The following SMG6 variants were observed in gnomAD, a reference collection of about 807,000 sequenced individuals.
The protein encoded by SMG6 is SMG6 nonsense mediated mRNA decay factor, also known as telomerase-binding protein EST1A.
Under a neutral mutation model 142.2 loss-of-function variants are expected in SMG6, and 66 were observed. The ratio of observed to expected loss-of-function variants is 0.46; its 90% CI spans 0.38 to 0.57. SMG6 has a LOEUF of 0.57. SMG6 is among the 20% of genes least tolerant of loss of function. The pLI, the probability that SMG6 is intolerant of heterozygous loss-of-function variation, is 0.00. For missense variants in SMG6, 1,793 were observed against 1,832.0 expected, an observed-to-expected ratio of 0.98 and a Z score of 0.39; for synonymous variants, 779 against 702.4, an observed-to-expected ratio of 1.11 and a Z score of -1.72.
chr17:2,102,002 G>T (rs2069021118), intron 13 of SMG6, among the ~76,000 whole-genome samples: 1 of 152,124 alleles, frequency 6.6e-6, no homozygotes, highest in Non-Finnish European at 1.5e-5. Flanking sequence ...CTGATTTCTT[G>T]AAGACTGAAC....
chr17:2,203,772 C>G (rs1047660640), intron 10 of SMG6, among the ~76,000 whole-genome samples: 1 of 152,134 alleles, frequency 6.6e-6, no homozygotes, highest in Non-Finnish European at 1.5e-5. Context: ...TTCAGACACA[C>G]ACCTTGAAAC....
intron 15 of SMG6, among the ~76,000 whole-genome samples, chr17:2,075,514 C>G (rs944102795): frequency 1.3e-5 from 2 of 152,212 alleles, no homozygotes; most frequent in Non-Finnish European, 2.9e-5. Context: ...AGCAAAGCCT[C>G]AGAGAGGCAG....
chr17:2,153,605 G>T (rs953931273), intron 13 of SMG6, among the ~76,000 whole-genome samples: 3 of 151,920 alleles, frequency 2.0e-5, no homozygotes, highest in Non-Finnish European at 2.9e-5. Context: ...CATGTAGAGT[G>T]TGACGGTGAC....
At chr17:2,243,102 A>G (rs1417116203) in intron 9 of SMG6, among the ~76,000 whole-genome samples, 1 of 152,120 alleles carries the variant, frequency 6.6e-6, no homozygotes, top group Non-Finnish European at 1.5e-5. Flanking sequence ...CATCTAGTTT[A>G]CTTTGCCTAA....
chr17:2,072,641 T>C (rs2068136191), intron 15 of SMG6, among the ~76,000 whole-genome samples: 1 of 152,164 alleles, frequency 6.6e-6, no homozygotes, highest in Non-Finnish European at 1.5e-5. Context: ...ACATTACAAG[T>C]AACAGCAATT....
chr17:2,159,317 C>T (rs1229537475), intron 13 of SMG6, among the ~76,000 whole-genome samples: 2 of 152,078 alleles, frequency 1.3e-5, no homozygotes. Flanking sequence ...GTAATCCCAG[C>T]TACTTGAGAG....
chr17:2,260,708 G>T (rs1212690980), intron 8 of SMG6, among the ~76,000 whole-genome samples: 1 of 152,184 alleles, frequency 6.6e-6, no homozygotes, highest in African/African-American at 2.4e-5. Context: ...AGTTAAAAGG[G>T]AAGAGGCCGG....
intron 9 of SMG6, among the ~76,000 whole-genome samples, chr17:2,238,469 T>C (rs1311351841): frequency 3.9e-5 from 6 of 152,232 alleles, no homozygotes; most frequent in Non-Finnish European, 7.3e-5. Flanking sequence ...CCACGGGCTC[T>C]AACAAAGGTT....
intron 2 of SMG6, 137 bp downstream of exon 2, chr17:2,298,769 T>C: frequency 1.3e-6 from 1 of 741,622 alleles, no homozygotes; most frequent in Non-Finnish European, 2.2e-6. Flanking sequence ...TGTTTCCAAC[T>C]GCCCTTCCCT....
chr17:2,236,942 T>A, intron 9 of SMG6: 2 of 677,088 alleles, frequency 3.0e-6, no homozygotes, highest in Non-Finnish European at 3.8e-6. Flanking sequence ...ATAACTGTGT[T>A]CAAGCTAATA....
intron 13 of SMG6, among the ~76,000 whole-genome samples, chr17:2,135,004 C>T (rs540518814): frequency 2.6e-5 from 4 of 152,070 alleles, no homozygotes; most frequent in Non-Finnish European, 4.4e-5. Flanking sequence ...CTCAGGCTCC[C>T]GACTAGCTGG....
rs941523968 is a variant in SMG6, at chr17:2,127,138, CAA to C, written c.3358-41239_3358-41238del. Among the ~76,000 whole-genome samples, 409 of 51,236 alleles carry C rather than the reference CAA, an allele frequency of 8.0e-3. 2 individuals carry two copies. The highest frequency in any genetic ancestry group is 0.026 in the African/African-American group (385 of 14,752). 33.6% of individuals were successfully genotyped at this position (51,236 alleles called of 152,430 possible). A position where few individuals can be genotyped will look rare whatever the true frequency, so the allele number is the denominator to read the frequency against. On this transcript the variant is annotated intron_variant, in intron 13 of 18. Transcript: ENST00000263073. ...TGGGCAACACAGAGAGACCTTGTCT[CAA>C]AAAAAAAAAAAAAAAAAAAAAGACA... is the stretch of plus-strand genomic sequence containing the variant.
chr17:2,087,898 T>C (rs2068609002), intron 13 of SMG6: 1 of 985,722 alleles, frequency 1.0e-6, no homozygotes, highest in South Asian at 4.7e-5. Flanking sequence ...TTACAGTGTG[T>C]GTCAGCCACC....
intron 8 of SMG6, among the ~76,000 whole-genome samples, chr17:2,272,839 G>A (rs1429236479): frequency 6.6e-6 from 1 of 152,046 alleles, no homozygotes; most frequent in Non-Finnish European, 1.5e-5. Flanking sequence ...TCGGGAGGCT[G>A]AGGCAGGAGA....
At chr17:2,275,341 G>T (rs1023076686) in intron 8 of SMG6, among the ~76,000 whole-genome samples, 1 of 152,300 alleles carries the variant, frequency 6.6e-6, no homozygotes, top group East Asian at 1.9e-4. Flanking sequence ...AAGATCACTT[G>T]AACTCAGGAG....
rs2068025295 is a variant in SMG6 at position 2,068,999 on chromosome 17, G to C, written c.3682-68C>G. Reference sequence around the variant, plus strand: ...AAGCAGGTGGGTGAGCCAGGGCCCTGACACTACGGTGTGTCAGCATCCTGC... The same window carrying C: ...AAGCAGGTGGGTGAGCCAGGGCCCTCACACTACGGTGTGTCAGCATCCTGC... On this transcript the variant is annotated intron_variant, in intron 15 of 18. Transcript: ENST00000263073. The surrounding 1 kb of genome is among the most constrained non-coding windows in gnomAD (Gnocchi z 6.7). 2.6e-6 allele frequency: 4 copies of C among 1,518,156 alleles called. No individual in the cohort carries two copies. The highest frequency in any genetic ancestry group is 3.6e-6 in the Non-Finnish European group (4 of 1,103,770). 94.0% of individuals were successfully genotyped at this position (1,518,156 alleles called of 1,614,324 possible).
At chr17:2,212,879 A>G (rs2072905597) in intron 10 of SMG6, 1 of 152,300 alleles carries the variant, frequency 6.6e-6, no homozygotes, top group Admixed American at 6.5e-5. Context: ...GCATGACTCC[A>G]GTGGAATCTG....
chr17:2,289,882 C>G (rs1040773301), intron 6 of SMG6, among the ~76,000 whole-genome samples: 1 of 150,958 alleles, frequency 6.6e-6, no homozygotes, highest in Non-Finnish European at 1.5e-5. Flanking sequence ...CAGCGCTGCA[C>G]TCCGGCCTGC....
chr17:2,158,285 TTCTAGAATTAAGAAC>T (rs1190411443), intron 13 of SMG6, among the ~76,000 whole-genome samples: 1 of 152,170 alleles, frequency 6.6e-6, no homozygotes, highest in African/African-American at 2.4e-5. Context: ...TTCCTCTGCA[TTCTAGAATTAAGAAC>T]AGTTTATCAT....
Sources: gnomAD v4.1 joint callset for allele counts (sites outside exome capture counted in the v4.1 genomes callset) on GRCh38, gnomAD v4.1.1 for gene constraint, Gnocchi (gnomAD v3.1) non-coding constraint, MANE v1.5 for transcripts, NCBI Gene and HGNC (gene_info 2026-07-23, HGNC 2026-07-21) for gene names.